Variants in TEKTIP1 observed in about 807,000 individuals in gnomAD.
The protein encoded by TEKTIP1 is tektin bundle interacting protein 1.
chr19:3,540,485 T>C, the TEKTIP1 span, among the ~76,000 whole-genome samples: 2 of 150,650 alleles, frequency 1.3e-5, no homozygotes, highest in African/African-American at 4.9e-5. Context: ...CTCGATCTCC[T>C]GACCTCATGA....
the TEKTIP1 span, chr19:3,539,280 TGAGCCCCTCC>T: frequency 6.6e-7 from 1 of 1,516,510 alleles, no homozygotes; most frequent in Non-Finnish European, 9.0e-7. Flanking sequence ...TCCCTACAGG[TGAGCCCCTCC>T]CAGCCCCTCC....
chr19:3,542,145 C>A, the TEKTIP1 span: 3 of 985,350 alleles, frequency 3.0e-6, no homozygotes, highest in East Asian at 1.1e-4. Context: ...TTAAAAGCTA[C>A]ATGTGTCTTG....
At chr19:3,542,887 G>A in the TEKTIP1 span, 1 of 1,405,140 alleles carries the variant, frequency 7.1e-7, no homozygotes, top group Non-Finnish European at 9.6e-7. Flanking sequence ...GAAGGGACTT[G>A]TGGGTCTTGG....
At chr19:3,539,193 CA>C in the TEKTIP1 span, 1 of 1,550,384 alleles carries the variant, frequency 6.5e-7, no homozygotes, top group South Asian at 1.2e-5. Flanking sequence ...AACCCTCAGG[CA>C]AGAGGCTGCA....
At chr19:3,540,906 C>G in the TEKTIP1 span, among the ~76,000 whole-genome samples, 11 of 146,632 alleles carry the variant, frequency 7.5e-5, no homozygotes, top group Non-Finnish European at 3.1e-5. Flanking sequence ...CGCAGTGGCT[C>G]ACGCCTGTAA....
chr19:3,543,422 T>TACA, the TEKTIP1 span: 1 of 1,545,342 alleles, frequency 6.5e-7, no homozygotes, highest in Admixed American at 2.0e-5. Flanking sequence ...CCGCGAGGCC[T>TACA]ACAACCGCTG....
chr19:3,543,209 A>G, the TEKTIP1 span: 1 of 1,535,822 alleles, frequency 6.5e-7, no homozygotes, highest in South Asian at 1.2e-5. Flanking sequence ...ACATGGGCTC[A>G]GTCTCTGCCC....
chr19:3,542,537 G>A, the TEKTIP1 span: 5 of 887,238 alleles, frequency 5.6e-6, no homozygotes, highest in Non-Finnish European at 6.7e-6. Flanking sequence ...GCAAGGGCAC[G>A]ATCTCAGCTT....
the TEKTIP1 span, chr19:3,542,226 G>C: frequency 1.0e-6 from 1 of 985,428 alleles, no homozygotes; most frequent in Non-Finnish European, 1.2e-6. Flanking sequence ...CCGAGTCTAT[G>C]TGGGGTCCCT....
chr19:3,540,317 G>C, the TEKTIP1 span, among the ~76,000 whole-genome samples: 1 of 151,552 alleles, frequency 6.6e-6, no homozygotes, highest in African/African-American at 2.4e-5. Flanking sequence ...GAACGCAATG[G>C]TGCAATCTTG....
At chr19:3,542,677 TTTACCATGC>T in the TEKTIP1 span, 2 of 1,196,852 alleles carry the variant, frequency 1.7e-6, no homozygotes, top group Middle Eastern at 7.3e-4. Context: ...GAGATGGGGT[TTTACCATGC>T]TGGCCAGGCT....
the TEKTIP1 span, among the ~76,000 whole-genome samples, chr19:3,541,206 C>T: frequency 0.28 from 40,518 of 146,328 alleles, 7,649 homozygotes; most frequent in East Asian, 0.82. Context: ...CATGGCGGCA[C>T]GTGCCTGTAA....
At chr19:3,540,960 G>A in the TEKTIP1 span, among the ~76,000 whole-genome samples, 1 of 151,470 alleles carries the variant, frequency 6.6e-6, no homozygotes, top group African/African-American at 2.4e-5. Context: ...CACGAGGTCA[G>A]GAGATCAAGA....
chr19:3,543,578 A>G, the TEKTIP1 span: 10 of 1,539,296 alleles, frequency 6.5e-6, no homozygotes, highest in Non-Finnish European at 7.9e-6. Flanking sequence ...CCTGCGGGAG[A>G]CCGCCTGGCA....
At chr19:3,541,917 C>T in the TEKTIP1 span, 5 of 583,494 alleles carry the variant, frequency 8.6e-6, no homozygotes, top group Non-Finnish European at 1.1e-5. Flanking sequence ...CAAGCTAATT[C>T]TCCTGCCTCA....
the TEKTIP1 span, chr19:3,542,904 G>C: frequency 7.0e-7 from 1 of 1,424,102 alleles, no homozygotes; most frequent in Non-Finnish European, 9.4e-7. Context: ...TTGGAGGCTG[G>C]ACAAGGACTG....
At chr19:3,542,277 G>C in the TEKTIP1 span, 1 of 985,402 alleles carries the variant, frequency 1.0e-6, no homozygotes, top group South Asian at 4.7e-5. Context: ...CCCATGTTCT[G>C]TGGGCACCTG....
chr19:3,541,731 C>T, the TEKTIP1 span: 50 of 985,218 alleles, frequency 5.1e-5, no homozygotes, highest in Non-Finnish European at 5.9e-5. Context: ...GAGGAAACAC[C>T]AGAAAGTAGT....
At chr19:3,542,967 G>C in the TEKTIP1 span, 1 of 1,542,058 alleles carries the variant, frequency 6.5e-7, no homozygotes, top group Non-Finnish European at 8.8e-7. Flanking sequence ...CTCTTCTCCA[G>C]GCAAGAAAAG....
Sources: gnomAD v4.1 joint callset for allele counts (sites outside exome capture counted in the v4.1 genomes callset) on GRCh38, gnomAD v4.1.1 for gene constraint, MANE v1.5 for transcripts, NCBI Gene and HGNC (gene_info 2026-07-23, HGNC 2026-07-21) for gene names.